CNTNAP3B: variants seen among roughly 807,000 people sequenced by gnomAD.
CNTNAP3B encodes contactin-associated protein-like 3B.
A neutral mutation model predicts 108.9 loss-of-function variants in CNTNAP3B; 25 were observed. That is an observed-to-expected ratio of 0.23 (90% CI 0.17 to 0.32). The LOEUF (loss-of-function observed/expected upper bound fraction) is 0.32. Among genes scored for constraint, CNTNAP3B ranks in the 10% least tolerant of loss-of-function variants. CNTNAP3B has a pLI of 1.00. For synonymous variants in CNTNAP3B, 103 were observed against 473.4 expected (o/e 0.22, Z 10.16); for missense variants, 252 against 1,210.4 (o/e 0.21, Z 11.75).
intron 14 of CNTNAP3B, among the ~76,000 whole-genome samples, chr9:41,933,226 TG>T (rs1174506211): frequency 2.7e-4 from 40 of 148,678 alleles, no homozygotes; most frequent in Admixed American, 8.7e-4. Flanking sequence ...TTTTTTGTCA[TG>T]GGGGGGGCTG....
At chr9:41,962,744 A>T (rs556862725) in intron 11 of CNTNAP3B, among the ~76,000 whole-genome samples, 1 of 151,704 alleles carries the variant, frequency 6.6e-6, no homozygotes, top group East Asian at 1.9e-4. Flanking sequence ...TCACAAGGTC[A>T]GGAGATCGAG....
At chr9:41,924,680 C>CACACACAT (rs1823763769) in intron 15 of CNTNAP3B, among the ~76,000 whole-genome samples, 5 of 145,470 alleles carry the variant, frequency 3.4e-5, no homozygotes, top group African/African-American at 1.3e-4. Context: ...CACACACACA[C>CACACACAT]ACACACACAC....
At chr9:41,967,611 A>C (rs1363325585) in intron 10 of CNTNAP3B, among the ~76,000 whole-genome samples, 1 of 152,308 alleles carries the variant, frequency 6.6e-6, no homozygotes, top group Admixed American at 6.5e-5. Context: ...GATACTTAAA[A>C]GTGAATTTTC....
At chr9:41,943,617 G>A (rs1196512397) in intron 13 of CNTNAP3B, among the ~76,000 whole-genome samples, 1 of 150,822 alleles carries the variant, frequency 6.6e-6, no homozygotes, top group Non-Finnish European at 1.5e-5. Flanking sequence ...CTCCCAAAGT[G>A]CTGGGATTAC....
chr9:42,115,482 C>T lies in CNTNAP3B; in HGVS notation c.86-10743G>A, dbSNP rs538990863. Among the ~76,000 whole-genome samples the T allele has an allele frequency of 1.5e-4, 21 of 139,572 alleles. 5 individuals carry two copies. Among genetic ancestry groups the T allele is most frequent in the African/African-American group, 4.5e-4 (16 of 35,298 alleles). 91.6% of individuals were successfully genotyped at this position (139,572 alleles called of 152,430 possible). ...ACTCCCAGTAGGGGCTGACTGACAC[C>T]GCATACAGCCAGGTGCCCCTCTGAG... On this transcript the variant is annotated intron_variant, in intron 1 of 23. Transcript: ENST00000377561.
chr9:42,111,034 C>T (rs1161377076), intron 1 of CNTNAP3B, among the ~76,000 whole-genome samples: 1 of 138,650 alleles, frequency 7.2e-6, no homozygotes, highest in Non-Finnish European at 1.5e-5. Context: ...ACTGTCTTCC[C>T]TACATCTCAC....
intron 1 of CNTNAP3B, among the ~76,000 whole-genome samples, chr9:42,127,148 C>A (rs1828589198): frequency 7.2e-6 from 1 of 138,514 alleles, no homozygotes; most frequent in South Asian, 2.3e-4. Flanking sequence ...TAAGTTTCAT[C>A]AACGAAAGAA....
At position 42,094,347 on chromosome 9, in the gene CNTNAP3B, T is replaced by TA. The variant is rs1249089919; in HGVS notation, c.196+10281dup. On this transcript the variant is annotated intron_variant, in intron 2 of 23. Coordinates refer to ENST00000377561, the MANE Select transcript of CNTNAP3B (RefSeq NM_001201380.3). ...TTTTACATTTGTAAAGCGTTGCATT[T>TA]AAAAAAAAAAAACAAAGAGGGCGGG... Among the ~76,000 whole-genome samples, 918 of 112,610 alleles carry TA rather than the reference T, an allele frequency of 8.2e-3. 93 individuals carry two copies. Among genetic ancestry groups the TA allele is most frequent in the African/African-American group, 0.027 (734 of 27,194 alleles). 73.9% of individuals were successfully genotyped at this position (112,610 alleles called of 152,430 possible).
chr9:41,923,607 C>T lies in CNTNAP3B; in HGVS notation c.2536+316G>A, dbSNP rs1335998992. Among the ~76,000 whole-genome samples, 4 of 152,402 alleles carry T rather than the reference C, an allele frequency of 2.6e-5. No individual in the cohort carries two copies. In the East Asian group the frequency reaches 7.7e-4, roughly 29 times the overall value. ...CAAAACCCCACCTCTACCAAAAATA[C>T]AAAAATTAGCTGGGCATGGTGGTGC... On this transcript the variant is annotated intron_variant, in intron 16 of 23. Coordinates refer to ENST00000377561, the MANE Select transcript of CNTNAP3B (RefSeq NM_001201380.3).
At chr9:42,076,338 A>C (rs1237896885) in intron 3 of CNTNAP3B, among the ~76,000 whole-genome samples, 4 of 129,656 alleles carry the variant, frequency 3.1e-5, no homozygotes, top group Admixed American at 7.8e-5. Context: ...ATGCAGAAGA[A>C]TTGTTTGAAC....
chr9:41,942,762 G>A (rs1472492211), intron 13 of CNTNAP3B, among the ~76,000 whole-genome samples: 1 of 152,176 alleles, frequency 6.6e-6, no homozygotes, highest in Non-Finnish European at 1.5e-5. Flanking sequence ...CCCTATTTAA[G>A]ACAGAGTCTC....
At chr9:42,032,731 C>A (rs1462894211) in intron 3 of CNTNAP3B, among the ~76,000 whole-genome samples, 1 of 126,322 alleles carries the variant, frequency 7.9e-6, no homozygotes, top group Non-Finnish European at 1.7e-5. Context: ...CAAAATACTG[C>A]AGACTGGGAG....
intron 14 of CNTNAP3B, among the ~76,000 whole-genome samples, chr9:41,934,071 G>A (rs1467135944): frequency 0.032 from 3,496 of 109,032 alleles, 2 homozygotes; most frequent in Non-Finnish European, 0.045. Flanking sequence ...CACTGTTTTG[G>A]GTGTCAATTT....
chr9:42,049,147 G>T (rs1321784922), intron 3 of CNTNAP3B, among the ~76,000 whole-genome samples: 1 of 118,802 alleles, frequency 8.4e-6, no homozygotes, highest in East Asian at 2.7e-4. Flanking sequence ...GTTCCCTGAT[G>T]CAAATGAGCT....
rs775287072 is a variant in CNTNAP3B at position 41,953,261 on chromosome 9, C to A, written c.2002G>T (p.Ala668Ser). 67 of 1,525,128 alleles carry A rather than the reference C, an allele frequency of 4.4e-5. No homozygotes were observed. In the Admixed American group the frequency reaches 4.8e-4, roughly 11 times the overall value. The allele number at this position is 1,525,128 out of a possible 1,614,324, so 94.5% of individuals were successfully genotyped here. Residue 668 changes from alanine (A) to serine (S), a missense_variant, in exon 13 of 24, where the codon GCC becomes TCC. Physicochemically the swap from Ala to Ser is moderately conservative, Grantham distance 99. Transcript: ENST00000377561. ...CAGCGCTCCGCCAGGTTCACCGCGG[C>A]CCGCAGCTGCCCCGCGCCCGCTGCG... is the stretch of plus-strand genomic sequence containing the variant. Reference protein sequence around the residue: ...AYAAGAGQLRAAVNLAERCEQ... With the variant: ...AYAAGAGQLRSAVNLAERCEQ...
Position 41,935,141 on chromosome 9 carries a change from C to T in CNTNAP3B, c.2237+3103G>A, listed in dbSNP as rs1451813573. 6.8e-3 allele frequency among the ~76,000 whole-genome samples: 1,037 copies of T among 152,196 alleles called. 8 individuals carry two copies. The highest frequency in any genetic ancestry group is 0.024 in the African/African-American group (985 of 41,404). ...TTCAATATTTTAAATCATTATAGTG[C>T]CTTTTAAATATATGTTTTTATAATA... On this transcript the variant is annotated intron_variant, in intron 14 of 23. Transcript: ENST00000377561.
intron 10 of CNTNAP3B, among the ~76,000 whole-genome samples, chr9:41,967,787 C>A (rs1209542067): frequency 3.3e-5 from 5 of 152,294 alleles, no homozygotes; most frequent in African/African-American, 4.8e-5. Flanking sequence ...ACGTTACTGA[C>A]TTTGGGAATG....
intron 12 of CNTNAP3B, among the ~76,000 whole-genome samples, chr9:41,959,419 C>CTAA (rs1824988973): frequency 6.6e-6 from 1 of 152,292 alleles, no homozygotes; most frequent in Admixed American, 6.5e-5. Flanking sequence ...TTAGTGATTC[C>CTAA]CCTACCATTA....
chr9:41,950,818 T>G (rs1824654584), intron 13 of CNTNAP3B, among the ~76,000 whole-genome samples: 2 of 134,454 alleles, frequency 1.5e-5, no homozygotes, highest in Admixed American at 1.8e-4. Flanking sequence ...TGGAGTGCAG[T>G]GGCGCCATCT....
Sources: allele counts gnomAD v4.1 joint callset (sites outside exome capture counted in the v4.1 genomes callset), GRCh38; gene constraint gnomAD v4.1.1; transcripts MANE v1.5; gene names NCBI Gene and HGNC (gene_info 2026-07-23, HGNC 2026-07-21).